The following RBMS3 variants were observed in gnomAD, a reference collection of about 807,000 sequenced individuals.
The protein encoded by RBMS3 is RNA binding motif single stranded interacting protein 3, also known as RNA-binding motif, single-stranded-interacting protein 3.
RBMS3 carries 27 observed loss-of-function variants against 66.8 expected under a neutral mutation model. That is an observed-to-expected ratio of 0.40 (90% CI 0.30 to 0.56). The LOEUF is 0.56. RBMS3 is among the 20% of genes least tolerant of loss of function. RBMS3 has a pLI of 0.40. For missense variants in RBMS3, 513 were observed against 549.5 expected, an observed-to-expected ratio of 0.93 and a Z score of 0.66; for synonymous variants, 188 against 183.0, an observed-to-expected ratio of 1.03 and a Z score of -0.22.
intron 3 of RBMS3, among the ~76,000 whole-genome samples, chr3:29,582,299 G>A (rs1389579819): frequency 6.6e-6 from 1 of 152,132 alleles, no homozygotes; most frequent in African/African-American, 2.4e-5. Flanking sequence ...AACATTTCAG[G>A]AAAGCATTGA....
Position 29,666,902 on chromosome 3 carries a change from G to A in RBMS3, c.400-72818G>A, listed in dbSNP as rs575304251. 1.1e-4 allele frequency among the ~76,000 whole-genome samples: 17 copies of A among 152,180 alleles called. No individual in the cohort carries two copies. The South Asian group carries it at 2.1e-3, about 19-fold the overall frequency. On this transcript the variant is annotated intron_variant, in intron 4 of 14. Transcript: ENST00000383767. ...GCTTTGAAGTTCAATCATTTACGTAGCACCTACTCACCTAATTTATTAATC... is the reference window on the plus strand; with the variant it reads ...GCTTTGAAGTTCAATCATTTACGTAACACCTACTCACCTAATTTATTAATC...
chr3:29,537,482 A>G (rs1024402016), intron 3 of RBMS3: 9 of 152,220 alleles, frequency 5.9e-5, no homozygotes, highest in African/African-American at 2.2e-4. Flanking sequence ...AGTTGTTTCA[A>G]AGAACGATTG....
At chr3:29,470,799 T>A (rs112921807) in intron 2 of RBMS3, among the ~76,000 whole-genome samples, 11,346 of 152,142 alleles carry the variant, frequency 0.075, 498 homozygotes, top group Non-Finnish European at 0.099. Context: ...TTCCTGACAT[T>A]TTTTGGTATT....
intron 4 of RBMS3, among the ~76,000 whole-genome samples, chr3:29,590,671 G>A (rs1282480376): frequency 2.0e-5 from 3 of 151,914 alleles, no homozygotes; most frequent in Non-Finnish European, 4.4e-5. Context: ...GGCAACTTCA[G>A]GATATAGAGA....
intron 1 of RBMS3, among the ~76,000 whole-genome samples, chr3:29,432,596 A>G (rs1188044684): frequency 2.6e-5 from 4 of 152,220 alleles, no homozygotes. Context: ...ACTGTATATC[A>G]GGCACTAGGC....
intron 1 of RBMS3, among the ~76,000 whole-genome samples, chr3:29,301,292 G>A (rs1192811138): frequency 1.3e-5 from 2 of 152,046 alleles, no homozygotes; most frequent in African/African-American, 2.4e-5. Context: ...TAACAAGAGA[G>A]CTTTATTCTT....
At chr3:29,711,389 T>C (rs1453768235) in intron 4 of RBMS3, among the ~76,000 whole-genome samples, 1 of 152,170 alleles carries the variant, frequency 6.6e-6, no homozygotes. Context: ...CTCTCAGCTG[T>C]TCTGAACAAA....
chr3:29,859,705 C>G (rs1173376496), intron 6 of RBMS3, among the ~76,000 whole-genome samples: 2 of 152,152 alleles, frequency 1.3e-5, no homozygotes, highest in Non-Finnish European at 2.9e-5. Flanking sequence ...TGCTAAGAGT[C>G]AAAAGAAAAT....
chr3:29,748,393 G>C lies in RBMS3; in HGVS notation c.557+8516G>C, dbSNP rs181168543. ...TTATTTGAGCTCAGAGCTTGAAGATGGCCACTCAGGAGTGTAGATTCAAGT... is the reference window on the plus strand; with the variant it reads ...TTATTTGAGCTCAGAGCTTGAAGATCGCCACTCAGGAGTGTAGATTCAAGT... On this transcript the variant is annotated intron_variant, in intron 5 of 14. Transcript: ENST00000383767. Among the ~76,000 whole-genome samples, 6 of 152,278 alleles carry C rather than the reference G, an allele frequency of 3.9e-5. No homozygotes were observed. In the East Asian group the frequency reaches 1.2e-3, roughly 29 times the overall value.
intron 3 of RBMS3, among the ~76,000 whole-genome samples, chr3:29,570,301 C>T (rs867577886): frequency 6.6e-6 from 1 of 152,074 alleles, no homozygotes; most frequent in African/African-American, 2.4e-5. Flanking sequence ...TCCATGCCTT[C>T]AAGCATTTAT....
chr3:29,674,251 T>A (rs1346519135), intron 4 of RBMS3, among the ~76,000 whole-genome samples: 1 of 152,094 alleles, frequency 6.6e-6, no homozygotes, highest in Non-Finnish European at 1.5e-5. Flanking sequence ...ATGGGACATA[T>A]CTCAAAATGA....
At chr3:29,636,493 G>A (rs1056806236) in intron 4 of RBMS3, among the ~76,000 whole-genome samples, 14 of 152,030 alleles carry the variant, frequency 9.2e-5, no homozygotes, top group African/African-American at 3.4e-4. Context: ...CGAGGGGAGG[G>A]TGGAAGGCTG....
chr3:29,780,599 T>C (rs889752126), intron 6 of RBMS3, among the ~76,000 whole-genome samples: 1 of 152,160 alleles, frequency 6.6e-6, no homozygotes, highest in East Asian at 1.9e-4. Context: ...ATATTTGGTA[T>C]CAAATAACTA....
chr3:29,972,379 G>C (rs771798882), intron 12 of RBMS3, among the ~76,000 whole-genome samples: 1 of 151,986 alleles, frequency 6.6e-6, no homozygotes, highest in Non-Finnish European at 1.5e-5. Context: ...TTTATGCCCT[G>C]TTGTTTGCAG....
At chr3:29,819,552 G>A (rs1359186833) in intron 6 of RBMS3, among the ~76,000 whole-genome samples, 1 of 152,148 alleles carries the variant, frequency 6.6e-6, no homozygotes, top group Non-Finnish European at 1.5e-5. Flanking sequence ...GAGATTTACA[G>A]ATGGATCTAG....
intron 12 of RBMS3, among the ~76,000 whole-genome samples, chr3:29,947,927 A>G (rs1267275751): frequency 6.6e-6 from 1 of 151,248 alleles, no homozygotes; most frequent in Non-Finnish European, 1.5e-5. Context: ...CTCTTTTTCT[A>G]AAAAGCTTTG....
chr3:29,408,898 C>G (rs2040143586), intron 1 of RBMS3, among the ~76,000 whole-genome samples: 1 of 152,136 alleles, frequency 6.6e-6, no homozygotes, highest in South Asian at 2.1e-4. Context: ...CTTAAAATTC[C>G]TTTCTTTTAA....
chr3:29,946,022 A>C (rs144992974), intron 12 of RBMS3, among the ~76,000 whole-genome samples: 1 of 151,796 alleles, frequency 6.6e-6, no homozygotes, highest in Non-Finnish European at 1.5e-5. Flanking sequence ...GTGGAGTATG[A>C]AGGAAGGGAC....
At chr3:29,847,661 T>C (rs2058817070) in intron 6 of RBMS3, among the ~76,000 whole-genome samples, 1 of 151,978 alleles carries the variant, frequency 6.6e-6, no homozygotes, top group African/African-American at 2.4e-5. Context: ...TTTTTTTTAT[T>C]TTTTATTTTT....
Sources: allele counts gnomAD v4.1 joint callset (sites outside exome capture counted in the v4.1 genomes callset), GRCh38; gene constraint gnomAD v4.1.1; transcripts MANE v1.5; gene names NCBI Gene and HGNC (gene_info 2026-07-23, HGNC 2026-07-21).